CMSS1: variants seen among roughly 807,000 people sequenced by gnomAD.
The protein encoded by CMSS1 is protein CMSS1.
A neutral mutation model predicts 43.5 loss-of-function variants in CMSS1; 33 were observed. That is an observed-to-expected ratio of 0.76 (90% CI 0.57 to 1.01). The LOEUF is 1.01. Ranked by LOEUF, CMSS1 falls within the 50% of genes least tolerant of loss-of-function variation. CMSS1 has a pLI of 0.00. For synonymous variants in CMSS1, 115 were observed against 117.2 expected (o/e 0.98, Z 0.12); for missense variants, 313 against 326.4 (o/e 0.96, Z 0.32).
chr3:99,919,109 C>T (rs956470759), intron 1 of CMSS1, among the ~76,000 whole-genome samples: 61 of 151,826 alleles, frequency 4.0e-4, no homozygotes, highest in African/African-American at 1.5e-3. Context: ...TTGTAGGATA[C>T]CCTTAAAAGC....
At chr3:100,037,865 A>T (rs1264544814) in intron 1 of CMSS1, among the ~76,000 whole-genome samples, 2 of 151,908 alleles carry the variant, frequency 1.3e-5, no homozygotes, top group African/African-American at 4.8e-5. Context: ...TTTCTTCCTC[A>T]CAATTACCTG....
chr3:99,920,259 T>TC (rs989661815), intron 1 of CMSS1, among the ~76,000 whole-genome samples: 2 of 152,134 alleles, frequency 1.3e-5, no homozygotes, highest in African/African-American at 4.8e-5. Flanking sequence ...AAAAAGCAAC[T>TC]CTTTTTTTTC....
intron 1 of CMSS1, among the ~76,000 whole-genome samples, chr3:99,846,766 T>TCA (rs1943383225): frequency 5.3e-5 from 8 of 152,216 alleles, no homozygotes; most frequent in Admixed American, 5.2e-4. Flanking sequence ...AAGCTTCCTT[T>TCA]TATTCTTAAA....
At chr3:99,845,059 G>A (rs1943300919) in intron 1 of CMSS1, among the ~76,000 whole-genome samples, 1 of 152,178 alleles carries the variant, frequency 6.6e-6, no homozygotes, top group South Asian at 2.1e-4. Context: ...CAAGCCTAAT[G>A]TCTTAGCATT....
intron 1 of CMSS1, chr3:99,925,910 G>A: frequency 1.0e-6 from 1 of 984,678 alleles, no homozygotes; most frequent in Non-Finnish European, 1.2e-6. Flanking sequence ...CACGGGGTAA[G>A]CTGCCACCAG....
chr3:99,872,665 A>C (rs909901054), intron 1 of CMSS1, among the ~76,000 whole-genome samples: 1 of 152,150 alleles, frequency 6.6e-6, no homozygotes, highest in Non-Finnish European at 1.5e-5. Context: ...AGAGCATAGA[A>C]ATGTGAGGAC....
At chr3:99,978,630 C>G (rs987765969) in intron 1 of CMSS1, among the ~76,000 whole-genome samples, 2 of 152,156 alleles carry the variant, frequency 1.3e-5, no homozygotes, top group African/African-American at 2.4e-5. Flanking sequence ...CACCAGGGCT[C>G]TCCCCTGTAA....
At chr3:100,148,598 C>T (rs1187204525) in intron 2 of CMSS1, among the ~76,000 whole-genome samples, 1 of 152,030 alleles carries the variant, frequency 6.6e-6, no homozygotes. Flanking sequence ...GTTAAATTTC[C>T]CTGTGACTCA....
intron 1 of CMSS1, among the ~76,000 whole-genome samples, chr3:100,101,568 G>A (rs1309651952): frequency 6.6e-6 from 1 of 152,048 alleles, no homozygotes; most frequent in Non-Finnish European, 1.5e-5. Context: ...AGTAACACAT[G>A]CACTCTCTGA....
chr3:99,921,883 G>A (rs968649617), intron 1 of CMSS1, among the ~76,000 whole-genome samples: 1 of 151,802 alleles, frequency 6.6e-6, no homozygotes, highest in Non-Finnish European at 1.5e-5. Flanking sequence ...CTGATCTTTT[G>A]TTCCCATTTC....
chr3:100,167,626 G>A, intron 5 of CMSS1, 112 bp from the exon 6 acceptor site: 4 of 561,116 alleles, frequency 7.1e-6, no homozygotes, highest in Non-Finnish European at 1.3e-5. Context: ...AATGAACCAT[G>A]CTTACTATAT....
At chr3:100,109,718 A>G (rs914036958) in intron 1 of CMSS1, among the ~76,000 whole-genome samples, 2 of 152,268 alleles carry the variant, frequency 1.3e-5, no homozygotes, top group Middle Eastern at 3.4e-3. Flanking sequence ...TCATTTACCA[A>G]TTGAAGGGGT....
At chr3:100,174,767 C>T (rs1363771315) in intron 8 of CMSS1, among the ~76,000 whole-genome samples, 1 of 152,090 alleles carries the variant, frequency 6.6e-6, no homozygotes, top group African/African-American at 2.4e-5. Context: ...AAAGATATCC[C>T]ATGACATTGG....
chr3:99,885,646 T>C (rs1335300756), intron 1 of CMSS1, among the ~76,000 whole-genome samples: 1 of 152,226 alleles, frequency 6.6e-6, no homozygotes, highest in Non-Finnish European at 1.5e-5. Flanking sequence ...TGACTGACTT[T>C]TAGTTAAAAA....
chr3:99,822,706 T>C (rs1260957256), intron 1 of CMSS1, among the ~76,000 whole-genome samples: 2 of 152,136 alleles, frequency 1.3e-5, no homozygotes, highest in Admixed American at 1.3e-4. Context: ...CACTCCAGCC[T>C]GGGCAATAAG....
At chr3:99,856,294 CAA>C (rs1311030376) in intron 1 of CMSS1, among the ~76,000 whole-genome samples, 4 of 152,186 alleles carry the variant, frequency 2.6e-5, no homozygotes, top group African/African-American at 9.7e-5. Flanking sequence ...TCATAGAACA[CAA>C]AGAGTATAGG....
chr3:99,826,046 G>A (rs1942531086), intron 1 of CMSS1, among the ~76,000 whole-genome samples: 1 of 151,978 alleles, frequency 6.6e-6, no homozygotes, highest in Non-Finnish European at 1.5e-5. Context: ...AAAGTGCTAG[G>A]ATTTACAGGT....
intron 1 of CMSS1, among the ~76,000 whole-genome samples, chr3:99,958,203 C>CATT (rs71688408): frequency 0.073 from 9,692 of 132,594 alleles, 420 homozygotes; most frequent in African/African-American, 0.11. Context: ...GCCCTGCATG[C>CATT]ATTATTATTA....
intron 1 of CMSS1, among the ~76,000 whole-genome samples, chr3:100,126,397 AATTG>A (rs1336422031): frequency 6.6e-6 from 1 of 152,202 alleles, no homozygotes; most frequent in Non-Finnish European, 1.5e-5. Flanking sequence ...TCTCTTGAGT[AATTG>A]ATTGTTTTGT....
Sources: allele counts gnomAD v4.1 joint callset (sites outside exome capture counted in the v4.1 genomes callset), GRCh38; gene constraint gnomAD v4.1.1; transcripts MANE v1.5; gene names NCBI Gene and HGNC (gene_info 2026-07-23, HGNC 2026-07-21).